TTC19: variants seen among roughly 807,000 people sequenced by gnomAD.
TTC19 encodes the protein tetratricopeptide repeat protein 19, mitochondrial.
TTC19 carries 38 observed loss-of-function variants against 49.5 expected under a neutral mutation model. The ratio of observed to expected loss-of-function variants is 0.77; its 90% confidence interval spans 0.59 to 1.01. The LOEUF is 1.01. Among genes scored for constraint, TTC19 ranks in the 50% least tolerant of loss-of-function variants. The pLI, the probability that TTC19 is intolerant of heterozygous loss-of-function variation, is 0.00. For synonymous variants in TTC19, 204 were observed against 185.2 expected (o/e 1.10, Z -0.83); for missense variants, 475 against 477.7 (o/e 0.99, Z 0.05).
intron 2 of TTC19, chr17:16,034,889 A>G (rs1973864077): frequency 1.2e-6 from 2 of 1,614,160 alleles, no homozygotes; most frequent in Non-Finnish European, 1.7e-6. Flanking sequence ...CAGGTATAGG[A>G]GACTTAGATT....
In TTC19 at chr17:16,028,368, G is replaced by A. The variant is rs1326350236; in HGVS notation, c.*846G>A. 2.2e-6 allele frequency: 1 copy of A among 454,074 alleles called. No homozygotes were observed. The highest frequency in any genetic ancestry group is 1.6e-5 in the South Asian group (1 of 64,476). 28.1% of individuals were successfully genotyped at this position (454,074 alleles called of 1,614,324 possible). A position where few individuals can be genotyped will look rare whatever the true frequency, so the allele number is the denominator to read the frequency against. ...TTTTAAAACTCTTCGTAATTCTAAT[G>A]TGTACTGCTGGTATAGCTGAACTAC... On this transcript the variant is annotated 3_prime_UTR_variant, in exon 10 of 10. Transcript: ENST00000261647.
At chr17:16,030,629 C>T (rs1196444172), downstream of TTC19, 1 of 181,754 alleles carries the variant, frequency 5.5e-6, no homozygotes, top group Non-Finnish European at 1.2e-5. Context: ...ATGCTGACCA[C>T]TAAGCCTGAT....
chr17:16,041,866 G>A (rs904622581), intron 2 of TTC19, among the ~76,000 whole-genome samples: 12 of 152,066 alleles, frequency 7.9e-5, no homozygotes, highest in East Asian at 7.7e-4. Context: ...CCCCCCGAGT[G>A]GCTGGGACTA....
At chr17:16,038,390 G>A (rs1165236064) in intron 2 of TTC19, among the ~76,000 whole-genome samples, 1 of 151,992 alleles carries the variant, frequency 6.6e-6, no homozygotes, top group Non-Finnish European at 1.5e-5. Context: ...CATTCCGGAT[G>A]ATGTGATCTG....
chr17:16,017,044 TAGAC>T (rs1404309236), intron 7 of TTC19, among the ~76,000 whole-genome samples: 13 of 152,238 alleles, frequency 8.5e-5, no homozygotes. Flanking sequence ...GTGCTCTGTT[TAGAC>T]AGTCTCATAG....
At chr17:16,032,419 C>T (rs866294255), downstream of TTC19, 1 of 1,613,974 alleles carries the variant, frequency 6.2e-7, no homozygotes, top group Non-Finnish European at 8.5e-7. Flanking sequence ...CACATGCAAT[C>T]GGTGTTGGTG....
intron 2 of TTC19, chr17:16,040,270 C>G: frequency 1.4e-6 from 1 of 698,672 alleles, no homozygotes; most frequent in Non-Finnish European, 2.6e-6. Context: ...TACTGGATCT[C>G]AGTTCCTTTC....
At chr17:16,035,530 C>CTTTTTT (rs966987249) in intron 2 of TTC19, among the ~76,000 whole-genome samples, 5 of 118,304 alleles carry the variant, frequency 4.2e-5, no homozygotes, top group Admixed American at 1.7e-4. Flanking sequence ...TTCTCTTGTT[C>CTTTTTT]TTTTTTTTTT....
intron 6 of TTC19, among the ~76,000 whole-genome samples, chr17:16,006,099 G>A (rs1008897554): frequency 2.0e-5 from 3 of 152,148 alleles, no homozygotes; most frequent in African/African-American, 7.2e-5. Flanking sequence ...GAAAAATGAA[G>A]ATAAAAAGAA....
intron 2 of TTC19, chr17:16,000,455 A>G: frequency 7.2e-7 from 1 of 1,391,418 alleles, no homozygotes; most frequent in Non-Finnish European, 9.4e-7. Context: ...AAACCTCTGC[A>G]GTGTCAAGTG....
chr17:16,010,482 C>T (rs1971037627), intron 7 of TTC19, among the ~76,000 whole-genome samples: 1 of 138,896 alleles, frequency 7.2e-6, no homozygotes, highest in Non-Finnish European at 1.6e-5. Context: ...CTATTTTCAA[C>T]TTTTGTTTTT....
chr17:16,001,383 G>A (rs1484089347), intron 2 of TTC19, among the ~76,000 whole-genome samples: 1 of 151,986 alleles, frequency 6.6e-6, no homozygotes, highest in East Asian at 1.9e-4. Flanking sequence ...AGCTTGTAGG[G>A]ACTTCACTCA....
intron 2 of TTC19, among the ~76,000 whole-genome samples, chr17:16,037,894 A>G (rs1019400298): frequency 7.2e-5 from 11 of 152,312 alleles, no homozygotes; most frequent in Middle Eastern, 6.8e-3. Context: ...GTCATCAGCA[A>G]ATTTTTTCCT....
At chr17:16,006,366 C>G (rs1305610128) in intron 6 of TTC19, 108 bp from the exon 7 acceptor site, 2 of 817,478 alleles carry the variant, frequency 2.4e-6, no homozygotes, top group Non-Finnish European at 4.3e-6. Flanking sequence ...GCCGAGGTCA[C>G]GCCATTGCAC....
chr17:16,032,689 A>T (rs1385709614), downstream of TTC19, among the ~76,000 whole-genome samples: 1 of 152,242 alleles, frequency 6.6e-6, no homozygotes, highest in Non-Finnish European at 1.5e-5. Flanking sequence ...GGGTCCAAAA[A>T]AGAAGAGTAA....
At chr17:16,043,026 G>T (rs1211550186) in intron 2 of TTC19, among the ~76,000 whole-genome samples, 2 of 152,058 alleles carry the variant, frequency 1.3e-5, no homozygotes, top group African/African-American at 2.4e-5. Flanking sequence ...AACAATCAAG[G>T]GCCAGGCAAA....
intron 7 of TTC19, among the ~76,000 whole-genome samples, chr17:16,016,291 CAT>C (rs568235129): frequency 5.3e-5 from 8 of 152,182 alleles, no homozygotes; most frequent in African/African-American, 1.7e-4. Context: ...TTAATTTCCA[CAT>C]ACAGTGAATT....
intron 2 of TTC19, among the ~76,000 whole-genome samples, chr17:16,042,435 G>T (rs922743203): frequency 6.6e-6 from 1 of 152,164 alleles, no homozygotes; most frequent in African/African-American, 2.4e-5. Flanking sequence ...TGCACTTGCA[G>T]GATAACCCTT....
rs759361415 is a variant in TTC19, at chr17:16,000,173, C to G, written c.240C>G (p.Ala80=). Residue 80 remains alanine (A), a synonymous_variant, in exon 2 of 10, where the codon GCC becomes GCG. Transcript: ENST00000261647. ...CAGAGGAGGAGGAGCAGCAGGGAGC[C>G]GACGGGGCCGCTGCCGAGGACGGGG... is the stretch of plus-strand genomic sequence containing the variant. ...AAAEEEEQQG[A]DGAAAEDGAD... 4.5e-5 allele frequency: 72 copies of G among 1,591,432 alleles called. No individual in the cohort carries two copies. Among genetic ancestry groups the G allele is most frequent in the Non-Finnish European group, 5.9e-5 (69 of 1,177,610 alleles).
Sources: allele counts gnomAD v4.1 joint callset (sites outside exome capture counted in the v4.1 genomes callset), GRCh38; gene constraint gnomAD v4.1.1; transcripts MANE v1.5; gene names NCBI Gene and HGNC (gene_info 2026-07-23, HGNC 2026-07-21).